RNF207: variants seen among roughly 807,000 people sequenced by gnomAD.
RNF207 encodes ring finger protein 207, also known as OTTHUMG00000001089.
Under a neutral mutation model 79.0 loss-of-function variants are expected in RNF207, and 72 were observed. The ratio of observed to expected loss-of-function variants is 0.91; its 90% CI spans 0.75 to 1.11. RNF207 has a LOEUF of 1.11. Ranked by LOEUF, RNF207 falls within the 50% of genes least tolerant of loss-of-function variation. The pLI, the probability that RNF207 is intolerant of heterozygous loss-of-function variation, is 0.00. For missense variants in RNF207, 936 were observed against 855.8 expected (o/e 1.09, Z -1.17); for synonymous variants, 348 against 366.2 (o/e 0.95, Z 0.57).
At position 6,209,158 on chromosome 1, in the gene RNF207, G is replaced by A; in HGVS notation, c.513G>A (p.Lys171=). The change falls in exon 5 of 18, where the codon AAG becomes AAA. Residue 171 remains lysine (K), a synonymous_variant. Transcript: ENST00000377939. ...ACCTCTTGTTCTCCACCGACAAGAA[G>A]TTGCTGTTGTGCATCCGCTGCTTCC... The part of the protein sequence containing the change: ...EPYLLFSTDK[K]LLLCIRCFRD... 4.5e-6 allele frequency: 7 copies of A among 1,557,850 alleles called. No homozygotes were observed. Among genetic ancestry groups the A allele is most frequent in the Non-Finnish European group, 6.1e-6 (7 of 1,150,366 alleles).
intron 16 of RNF207, among the ~76,000 whole-genome samples, chr1:6,216,562 C>CTTTTT (rs60430154): frequency 7.1e-6 from 1 of 139,904 alleles, no homozygotes. Flanking sequence ...CCATATTCAT[C>CTTTTT]TTTTTTTTTT....
chr1:6,218,652 C>A (rs148100287), intron 17 of RNF207, among the ~76,000 whole-genome samples: 1 of 152,226 alleles, frequency 6.6e-6, no homozygotes, highest in South Asian at 2.1e-4. Context: ...GGGAGCTGCA[C>A]GTGCTTATGC....
Position 6,210,444 on chromosome 1 carries a change from T to A in RNF207, c.942+6T>A, listed in dbSNP as rs1421385367. 6.2e-7 allele frequency: 1 copy of A among 1,610,394 alleles called. No homozygotes were observed. Among genetic ancestry groups the A allele is most frequent in the East Asian group, 2.2e-5 (1 of 44,826 alleles). On this transcript the variant is annotated splice_donor_region_variant and intron_variant, in intron 10 of 17. Transcript: ENST00000377939. ...AGTTCCTGGACCTGGGCTATGTGAG[T>A]CTCCTCTGCTCCTGCAGATGCCCCC... is the stretch of plus-strand genomic sequence containing the variant.
At chr1:6,215,375 A>C (rs1159200213) in intron 16 of RNF207, among the ~76,000 whole-genome samples, 5 of 135,906 alleles carry the variant, frequency 3.7e-5, no homozygotes, top group East Asian at 2.1e-4. Flanking sequence ...CATGTTGCCC[A>C]AGCTGGTTTT....
rs1364426575 is a variant in RNF207, at chr1:6,206,532, G to T, written c.1-4G>T. 2 of 1,563,536 alleles carry T rather than the reference G, an allele frequency of 1.3e-6. No homozygotes were observed. Among genetic ancestry groups the T allele is most frequent in the Non-Finnish European group, 1.7e-6 (2 of 1,163,372 alleles). On this transcript the variant is annotated splice_polypyrimidine_tract_variant and splice_region_variant and intron_variant, in intron 1 of 17. Coordinates refer to ENST00000377939, the MANE Select transcript of RNF207 (RefSeq NM_207396.3). ...CCAGCCGCCCGCTTGCGCTGTCGCT[G>T]CAGATGTCGGGAGCTATCTTCGGGC...
chr1:6,210,314 G>A lies in RNF207; in HGVS notation c.873+19G>A. The A allele has an allele frequency of 6.2e-7, 1 of 1,613,604 alleles. No individual in the cohort carries two copies. Among genetic ancestry groups the A allele is most frequent in the Non-Finnish European group, 8.5e-7 (1 of 1,179,660 alleles). On this transcript the variant is annotated intron_variant, in intron 9 of 17. Coordinates refer to ENST00000377939, the MANE Select transcript of RNF207 (RefSeq NM_207396.3). ...CCTGCAGGTACAGGGAGCTCGGGGT[G>A]CGGGTGGGTCCCTCCTCCTCCCCGG...
intron 8 of RNF207, 125 bp from the exon 9 acceptor site, chr1:6,210,098 C>A: frequency 7.7e-7 from 1 of 1,293,708 alleles, no homozygotes; most frequent in Non-Finnish European, 1.1e-6. Flanking sequence ...CTAAGGAGGG[C>A]AGCATGGCTC....
At chr1:6,212,588 G>A (rs1668220933) in intron 14 of RNF207, 94 bp from the exon 15 acceptor site, 8 of 1,302,048 alleles carry the variant, frequency 6.1e-6, no homozygotes, top group Admixed American at 1.7e-5. Flanking sequence ...CCTGGCTGGG[G>A]GGTGCTTTGT....
chr1:6,211,966 C>T lies in RNF207; in HGVS notation c.1209C>T (p.His403=). The change falls in exon 13 of 18, where the codon CAC becomes CAT. Residue 403 remains histidine, a synonymous_variant. Transcript: ENST00000377939. This position sits in a 1 kb window ranked among gnomAD's most constrained non-coding sequence, Gnocchi z 4.2. ...SGSPVQKPTL[H]RSISTKVLLA... is the part of the protein sequence containing the mutation. Reference sequence around the variant, plus strand: ...CACCCGTCCAAAAGCCCACGCTGCACCGGTCCATCAGCACCAAGGTGCTGC... The same window carrying T: ...CACCCGTCCAAAAGCCCACGCTGCATCGGTCCATCAGCACCAAGGTGCTGC... 1 of 1,574,110 alleles carries T rather than the reference C, an allele frequency of 6.4e-7. No individual in the cohort carries two copies. Among genetic ancestry groups the T allele is most frequent in the South Asian group, 1.2e-5 (1 of 86,224 alleles).
chr1:6,214,402 C>CTT (rs374102898), intron 16 of RNF207, among the ~76,000 whole-genome samples: 3 of 145,572 alleles, frequency 2.1e-5, no homozygotes, highest in East Asian at 2.0e-4. Context: ...TGGCATATTT[C>CTT]TTTTTTTTTT....
rs749630910 is a variant in RNF207 at position 6,211,003 on chromosome 1, C to A, written c.1012-18C>A. ...CAGGGCAGTGGAGGCCACCTCATGA[C>A]CCCATCCCGCTGCCCAGATTGCCAG... On this transcript the variant is annotated intron_variant, in intron 11 of 17. Coordinates refer to ENST00000377939, the MANE Select transcript of RNF207 (RefSeq NM_207396.3). The surrounding 1 kb of genome is among the most constrained non-coding windows in gnomAD (Gnocchi z 4.2). 92 of 1,602,840 alleles carry A rather than the reference C, an allele frequency of 5.7e-5. No homozygotes were observed. Among genetic ancestry groups the A allele is most frequent in the Non-Finnish European group, 7.7e-5 (91 of 1,175,098 alleles).
At chr1:6,210,592 T>G in intron 10 of RNF207, 154 bp downstream of exon 10, 1 of 643,522 alleles carries the variant, frequency 1.6e-6, no homozygotes, top group Non-Finnish European at 2.7e-6. Context: ...TCTGCAAACC[T>G]GTTAGGGTCA....
Position 6,220,803 on chromosome 1 carries a change from C to T in RNF207, c.*1396C>T, listed in dbSNP as rs952588512. The stretch of plus-strand genomic sequence containing the variant: ...TAATAAATGCTTTTTAAAAAGTAAC[C>T]CACGTGACGTAAAATTTTACAAGTT... On this transcript the variant is annotated 3_prime_UTR_variant, in exon 18 of 18. Transcript: ENST00000377939. 6.6e-6 allele frequency: 1 copy of T among 152,292 alleles called. No homozygotes were observed. Among genetic ancestry groups the T allele is most frequent in the African/African-American group, 2.4e-5 (1 of 41,566 alleles). 9.4% of individuals were successfully genotyped at this position (152,292 alleles called of 1,614,324 possible).
intron 13 of RNF207, 69 bp from the exon 14 acceptor site, chr1:6,212,162 C>A (rs968157661): frequency 1.3e-6 from 2 of 1,549,796 alleles, no homozygotes; most frequent in African/African-American, 2.7e-5. Flanking sequence ...GGAGCCATTC[C>A]TCCACCAAGT....
rs144139448 is a variant in RNF207 at position 6,214,630 on chromosome 1, C to CTTTTTTTTTTTTTTTTTT, written c.1652+1453_1652+1470dup. ...GTTGGCCAGGCTGGAATATTTCTTT[C>CTTTTTTTTTTTTTTTTTT]TTTTTTTTTTTTTTTTTTTTTTTGA... On this transcript the variant is annotated intron_variant, in intron 16 of 17. Transcript: ENST00000377939. Among the ~76,000 whole-genome samples, 70 of 70,658 alleles carry CTTTTTTTTTTTTTTTTTT rather than the reference C, an allele frequency of 9.9e-4. 3 individuals carry two copies. The highest frequency in any genetic ancestry group is 1.4e-3 in the Non-Finnish European group (55 of 38,530). 46.4% of individuals were successfully genotyped at this position (70,658 alleles called of 152,430 possible).
rs919856738 is a variant in RNF207 at position 6,207,698 on chromosome 1, A to C, written c.324+187A>C. 5 of 740,238 alleles carry C rather than the reference A, an allele frequency of 6.8e-6. No homozygotes were observed. The highest frequency in any genetic ancestry group is 1.2e-5 in the Non-Finnish European group (5 of 420,060). 45.9% of individuals were successfully genotyped at this position (740,238 alleles called of 1,614,324 possible). ...CGGTGGGGAGACTGAGGTCCAGAAC[A>C]AGGGACTTGAGCCAGTGTCCAGACA... On this transcript the variant is annotated intron_variant, in intron 3 of 17. Coordinates refer to ENST00000377939, the MANE Select transcript of RNF207 (RefSeq NM_207396.3). This position sits in a 1 kb window ranked among gnomAD's most constrained non-coding sequence, Gnocchi z 4.5.
Position 6,211,835 on chromosome 1 carries a change from C to T in RNF207, c.1110-32C>T, listed in dbSNP as rs1318128480. On this transcript the variant is annotated intron_variant, in intron 12 of 17. Transcript: ENST00000377939. This position sits in a 1 kb window ranked among gnomAD's most constrained non-coding sequence, Gnocchi z 4.2. Reference sequence around the variant, plus strand: ...GCTGGGGGAGGGGCAGACTTCCCCACCCCCCTGCATCCACACTGGCTCTCT... The same window carrying T: ...GCTGGGGGAGGGGCAGACTTCCCCATCCCCCTGCATCCACACTGGCTCTCT... The T allele has an allele frequency of 8.0e-6, 12 of 1,506,560 alleles. No homozygotes were observed. The East Asian group carries it at 2.7e-4, about 34-fold the overall frequency. The allele number at this position is 1,506,560 out of a possible 1,614,324, so 93.3% of individuals were successfully genotyped here. A position where few individuals can be genotyped will look rare whatever the true frequency, so the allele number is the denominator to read the frequency against.
Position 6,214,901 on chromosome 1 carries a change from C to T in RNF207, c.1652+1718C>T, listed in dbSNP as rs1413240519. 2.0e-5 allele frequency among the ~76,000 whole-genome samples: 3 copies of T among 151,976 alleles called. No individual in the cohort carries two copies. The East Asian group carries it at 5.8e-4, about 29-fold the overall frequency. ...CTACCCGCCTCGCCCTCCCAAAGTG[C>T]TGGGCATGAGCCACCACGCCCAGCC... On this transcript the variant is annotated intron_variant, in intron 16 of 17. Coordinates refer to ENST00000377939, the MANE Select transcript of RNF207 (RefSeq NM_207396.3).
At position 6,220,997 on chromosome 1, in the gene RNF207, G is replaced by A. The variant is rs1668532451; in HGVS notation, c.*1590G>A. On this transcript the variant is annotated 3_prime_UTR_variant, in exon 18 of 18. Coordinates refer to ENST00000377939, the MANE Select transcript of RNF207 (RefSeq NM_207396.3). ...GCACCTGCTACTTCAGGGGCACTGA[G>A]GCTCCTGTTCCAAGGCCTTACAAAC... 6.6e-6 allele frequency: 1 copy of A among 152,228 alleles called. No homozygotes were observed. Among genetic ancestry groups the A allele is most frequent in the Non-Finnish European group, 1.5e-5 (1 of 68,040 alleles). The allele number at this position is 152,228 out of a possible 1,614,324, so 9.4% of individuals were successfully genotyped here. A position where few individuals can be genotyped will look rare whatever the true frequency, so the allele number is the denominator to read the frequency against.
Sources: gnomAD v4.1 joint callset for allele counts (sites outside exome capture counted in the v4.1 genomes callset) on GRCh38, gnomAD v4.1.1 for gene constraint, Gnocchi (gnomAD v3.1) non-coding constraint, MANE v1.5 for transcripts, NCBI Gene and HGNC (gene_info 2026-07-23, HGNC 2026-07-21) for gene names.